TMEM200A: variants seen among roughly 807,000 people sequenced by gnomAD.
TMEM200A encodes the protein transmembrane protein 200A.
A neutral mutation model predicts 24.3 loss-of-function variants in TMEM200A; 12 were observed. That is an observed-to-expected ratio of 0.49 (90% CI 0.32 to 0.80). The LOEUF is 0.80. Ranked by LOEUF, TMEM200A falls within the 30% of genes least tolerant of loss-of-function variation. The pLI is 0.04. For missense variants in TMEM200A, 545 were observed against 614.4 expected, an observed-to-expected ratio of 0.89 and a Z score of 1.19; for synonymous variants, 224 against 224.4, an observed-to-expected ratio of 1.00 and a Z score of 0.02.
Position 130,366,121 on chromosome 6 carries a change from C to T in TMEM200A, c.-484C>T, listed in dbSNP as rs1763991773. 2 of 985,360 alleles carry T rather than the reference C, an allele frequency of 2.0e-6. No individual in the cohort carries two copies. The highest frequency in any genetic ancestry group is 4.7e-5 in the South Asian group (1 of 21,296). The allele number at this position is 985,360 out of a possible 1,614,324, so 61.0% of individuals were successfully genotyped here. A position where few individuals can be genotyped will look rare whatever the true frequency, so the allele number is the denominator to read the frequency against. On this transcript the variant is annotated 5_prime_UTR_variant, in exon 1 of 3. Transcript: ENST00000296978. This position sits in a 1 kb window ranked among gnomAD's most constrained non-coding sequence, Gnocchi z 4.4. ...TGAGCGGCGACTCCCTCTCCCCTGC[C>T]CGGCTTGCTGCGCCCGGTGCCCTCC...
intron 2 of TMEM200A, among the ~76,000 whole-genome samples, chr6:130,411,104 G>T (rs1357614605): frequency 6.6e-6 from 1 of 152,106 alleles, no homozygotes; most frequent in Admixed American, 6.5e-5. Context: ...GGGAGGCAGA[G>T]GTTGCAGTGA....
At chr6:130,422,524 C>T (rs936498921) in intron 2 of TMEM200A, among the ~76,000 whole-genome samples, 7 of 152,158 alleles carry the variant, frequency 4.6e-5, no homozygotes, top group Non-Finnish European at 1.0e-4. Flanking sequence ...GCCTCGGCCT[C>T]CCAAAGTGCT....
At chr6:130,383,669 A>T (rs1778651714) in intron 1 of TMEM200A, among the ~76,000 whole-genome samples, 1 of 152,250 alleles carries the variant, frequency 6.6e-6, no homozygotes. Context: ...CAAGGTAAAA[A>T]TGAATATGAA....
intron 2 of TMEM200A, among the ~76,000 whole-genome samples, chr6:130,436,650 T>TTTTTTTTTTTTTTTG (rs1780024506): frequency 1.1e-5 from 1 of 90,856 alleles, no homozygotes; most frequent in Non-Finnish European, 2.0e-5. Flanking sequence ...TTTTTTTTTT[T>TTTTTTTTTTTTTTTG]TTTTTTTTTT....
chr6:130,413,973 G>C (rs1045218715), intron 2 of TMEM200A, among the ~76,000 whole-genome samples: 8 of 151,964 alleles, frequency 5.3e-5, no homozygotes, highest in Non-Finnish European at 7.4e-5. Flanking sequence ...TATGATTTGG[G>C]GACTAATTTC....
chr6:130,386,412 C>G (rs900585728), intron 2 of TMEM200A, among the ~76,000 whole-genome samples: 2 of 152,122 alleles, frequency 1.3e-5, no homozygotes, highest in Non-Finnish European at 2.9e-5. Context: ...TAAAGATGCA[C>G]CTTTTATAAG....
At chr6:130,438,793 T>C (rs1344633659) in intron 2 of TMEM200A, 1 of 152,230 alleles carries the variant, frequency 6.6e-6, no homozygotes, top group African/African-American at 2.4e-5. Flanking sequence ...TATAATATTG[T>C]AAGTGCCATA....
chr6:130,403,990 C>T (rs1200963426), intron 2 of TMEM200A, among the ~76,000 whole-genome samples: 4 of 152,168 alleles, frequency 2.6e-5, no homozygotes, highest in African/African-American at 9.7e-5. Flanking sequence ...CATTTCCCTG[C>T]AAAGGATGTG....
intron 2 of TMEM200A, among the ~76,000 whole-genome samples, chr6:130,391,330 G>A (rs73614141): frequency 9.4e-4 from 143 of 152,230 alleles, no homozygotes; most frequent in African/African-American, 3.2e-3. Flanking sequence ...CATAACCTCA[G>A]GTTTCTTTCC....
At chr6:130,423,197 A>G (rs1779645293) in intron 2 of TMEM200A, among the ~76,000 whole-genome samples, 1 of 152,134 alleles carries the variant, frequency 6.6e-6, no homozygotes, top group Non-Finnish European at 1.5e-5. Flanking sequence ...CTCTATGTAT[A>G]TCTGTTCTCC....
intron 2 of TMEM200A, among the ~76,000 whole-genome samples, chr6:130,428,550 A>C (rs1221167043): frequency 6.6e-6 from 1 of 152,090 alleles, no homozygotes; most frequent in Non-Finnish European, 1.5e-5. Context: ...GTCTCCTGGA[A>C]TTCTAGGTGA....
chr6:130,434,881 T>C (rs1779964181), intron 2 of TMEM200A, among the ~76,000 whole-genome samples: 1 of 151,968 alleles, frequency 6.6e-6, no homozygotes, highest in Admixed American at 6.6e-5. Context: ...CTACAGATGA[T>C]CTCCAAGACC....
intron 2 of TMEM200A, among the ~76,000 whole-genome samples, chr6:130,413,670 C>T (rs749654421): frequency 1.6e-4 from 24 of 152,110 alleles, no homozygotes; most frequent in Non-Finnish European, 3.1e-4. Context: ...CCATTCTTGC[C>T]ACTTTGGGAA....
chr6:130,420,553 T>C (rs904144416), intron 2 of TMEM200A, among the ~76,000 whole-genome samples: 1 of 152,158 alleles, frequency 6.6e-6, no homozygotes, highest in Non-Finnish European at 1.5e-5. Flanking sequence ...ATGCCTAACT[T>C]CATGGAGTTG....
chr6:130,370,858 T>A (rs756241766), intron 1 of TMEM200A, among the ~76,000 whole-genome samples: 2 of 152,210 alleles, frequency 1.3e-5, no homozygotes, highest in Non-Finnish European at 2.9e-5. Flanking sequence ...GGATACCCCC[T>A]ACTTTGGCCA....
intron 1 of TMEM200A, among the ~76,000 whole-genome samples, chr6:130,371,398 T>A (rs1306952221): frequency 1.3e-5 from 2 of 152,174 alleles, no homozygotes; most frequent in Non-Finnish European, 2.9e-5. Flanking sequence ...CATTAAGCAG[T>A]ACAGCTGGAA....
At chr6:130,413,701 A>G (rs1286294916) in intron 2 of TMEM200A, among the ~76,000 whole-genome samples, 2 of 152,224 alleles carry the variant, frequency 1.3e-5, no homozygotes, top group Non-Finnish European at 2.9e-5. Flanking sequence ...CACAGCTGCC[A>G]AAGTGATATC....
chr6:130,428,016 GTGTA>G (rs1779788459), intron 2 of TMEM200A, among the ~76,000 whole-genome samples: 1 of 152,174 alleles, frequency 6.6e-6, no homozygotes, highest in Non-Finnish European at 1.5e-5. Flanking sequence ...AAGTGGTAGG[GTGTA>G]TGTATGGTGT....
At chr6:130,365,827 A>C, upstream of TMEM200A, 3 of 985,618 alleles carry the variant, frequency 3.0e-6, no homozygotes, top group Non-Finnish European at 3.6e-6. Flanking sequence ...CCTGCAGAGC[A>C]GATCCTGTCT....
Sources: gnomAD v4.1 joint callset for allele counts (sites outside exome capture counted in the v4.1 genomes callset) on GRCh38, gnomAD v4.1.1 for gene constraint, Gnocchi (gnomAD v3.1) non-coding constraint, MANE v1.5 for transcripts, NCBI Gene and HGNC (gene_info 2026-07-23, HGNC 2026-07-21) for gene names.